Variants in LIPC observed in about 807,000 individuals in gnomAD.
The protein encoded by LIPC is lipase C, hepatic type.
LIPC carries 44 observed loss-of-function variants against 50.7 expected under a neutral mutation model. The ratio of observed to expected loss-of-function variants is 0.87; its 90% CI spans 0.68 to 1.11. The LOEUF is 1.11. Among genes scored for constraint, LIPC ranks in the 50% most tolerant of loss-of-function variants. The pLI is 0.00. For missense variants in LIPC, 697 were observed against 648.2 expected (o/e 1.08, Z -0.82); for synonymous variants, 271 against 256.4 (o/e 1.06, Z -0.54).
intron 1 of LIPC, chr15:58,454,483 G>A (rs2140684886): frequency 6.6e-6 from 1 of 152,342 alleles, no homozygotes; most frequent in East Asian, 1.9e-4. Flanking sequence ...TTGAGCTTGA[G>A]CTCCATGGAG....
At chr15:58,542,069 A>G (rs1374518447) in intron 3 of LIPC, 102 bp downstream of exon 3, 3 of 1,293,948 alleles carry the variant, frequency 2.3e-6, no homozygotes, top group Admixed American at 2.0e-5. Context: ...CAGGCAGGAG[A>G]AGCACTAATG....
chr15:58,466,296 G>A (rs1894561537), intron 1 of LIPC, among the ~76,000 whole-genome samples: 1 of 152,214 alleles, frequency 6.6e-6, no homozygotes, highest in Non-Finnish European at 1.5e-5. Context: ...GTGATTAGAA[G>A]TAAAAAGGTT....
At chr15:58,536,777 T>C (rs937059230) in intron 1 of LIPC, among the ~76,000 whole-genome samples, 1 of 152,226 alleles carries the variant, frequency 6.6e-6, no homozygotes, top group Admixed American at 6.5e-5. Flanking sequence ...TTTAATAAAA[T>C]ATGATGCATT....
intron 1 of LIPC, among the ~76,000 whole-genome samples, chr15:58,477,626 C>A (rs531583158): frequency 1.3e-5 from 2 of 152,298 alleles, no homozygotes; most frequent in South Asian, 4.1e-4. Flanking sequence ...GACAGCTCTC[C>A]GGTTTTCAGC....
At chr15:58,485,343 G>A (rs1396311969) in intron 1 of LIPC, among the ~76,000 whole-genome samples, 1 of 152,180 alleles carries the variant, frequency 6.6e-6, no homozygotes, top group Non-Finnish European at 1.5e-5. Context: ...TGAGGAGAGG[G>A]AGGAGTCAAT....
At chr15:58,471,134 C>CTTTTT (rs34225435) in intron 1 of LIPC, among the ~76,000 whole-genome samples, 7 of 114,648 alleles carry the variant, frequency 6.1e-5, no homozygotes, top group South Asian at 2.9e-4. Context: ...TTTCTTTTCT[C>CTTTTT]TTTTTTTTTT....
chr15:58,567,345 GTATATATATATA>G (rs112052257), intron 8 of LIPC, among the ~76,000 whole-genome samples: 2 of 18,826 alleles, frequency 1.1e-4, no homozygotes, highest in South Asian at 2.3e-3. Flanking sequence ...ATATGTATAT[GTATATATATATA>G]TGTATATGTA....
chr15:58,514,470 AT>A (rs1420753495), intron 1 of LIPC, among the ~76,000 whole-genome samples: 1 of 152,210 alleles, frequency 6.6e-6, no homozygotes, highest in East Asian at 1.9e-4. Context: ...TTTTAATGCT[AT>A]TTGATTGAAA....
At chr15:58,527,451 T>C (rs1435567028) in intron 1 of LIPC, among the ~76,000 whole-genome samples, 1 of 151,948 alleles carries the variant, frequency 6.6e-6, no homozygotes. Flanking sequence ...TAAGCTCACC[T>C]TCCCCCTACA....
At chr15:58,567,328 T>C (rs867622608) in intron 8 of LIPC, among the ~76,000 whole-genome samples, 6,617 of 32,758 alleles carry the variant, frequency 0.2, 351 homozygotes, top group African/African-American at 0.36. Flanking sequence ...TATGTGTATA[T>C]ATATATATAT....
intron 1 of LIPC, among the ~76,000 whole-genome samples, chr15:58,471,341 T>G (rs1340624350): frequency 1.4e-4 from 18 of 128,096 alleles, no homozygotes; most frequent in African/African-American, 2.6e-4. Context: ...GGGGGGGTGG[T>G]CTCACCATGT....
intron 6 of LIPC, among the ~76,000 whole-genome samples, chr15:58,548,879 C>G (rs1893643435): frequency 6.6e-6 from 1 of 152,214 alleles, no homozygotes; most frequent in Non-Finnish European, 1.5e-5. Context: ...ACGCAGTTTA[C>G]CTGGGCCACC....
At chr15:58,436,836 C>T (rs1167604926) in intron 1 of LIPC, 2 of 456,246 alleles carry the variant, frequency 4.4e-6, no homozygotes, top group South Asian at 3.1e-5. Context: ...TGAGGCTTTC[C>T]TTGTACAATA....
At chr15:58,537,356 G>A (rs1893160474) in intron 1 of LIPC, among the ~76,000 whole-genome samples, 1 of 152,280 alleles carries the variant, frequency 6.6e-6, no homozygotes, top group South Asian at 2.1e-4. Flanking sequence ...TCCCCCAGAA[G>A]AGAGGCTGGA....
chr15:58,472,285 A>G (rs1271771584), intron 1 of LIPC, among the ~76,000 whole-genome samples: 1 of 144,392 alleles, frequency 6.9e-6, no homozygotes, highest in Admixed American at 6.9e-5. Context: ...AAAAAAAAAA[A>G]AAAAAAAAGA....
intron 1 of LIPC, among the ~76,000 whole-genome samples, chr15:58,515,793 A>G (rs559213637): frequency 3.3e-5 from 5 of 152,254 alleles, no homozygotes; most frequent in Admixed American, 2.0e-4. Context: ...TGTAGGGGTC[A>G]AGGGTGCCTA....
chr15:58,539,861 C>T (rs1334835186), intron 2 of LIPC, among the ~76,000 whole-genome samples: 1 of 152,180 alleles, frequency 6.6e-6, no homozygotes, highest in Non-Finnish European at 1.5e-5. Flanking sequence ...TTAACTCCCA[C>T]TTTTCCTGTA....
chr15:58,524,007 G>A (rs150260607), intron 1 of LIPC, among the ~76,000 whole-genome samples: 52 of 152,292 alleles, frequency 3.4e-4, no homozygotes, highest in African/African-American at 1.3e-3. Context: ...TTAAAAGAAT[G>A]TAAAATAGAA....
chr15:58,535,579 A>G (rs1453458931), intron 1 of LIPC, among the ~76,000 whole-genome samples: 1 of 152,222 alleles, frequency 6.6e-6, no homozygotes. Context: ...AATATACACA[A>G]GACAGAATTG....
Sources: gnomAD v4.1 joint callset for allele counts (sites outside exome capture counted in the v4.1 genomes callset) on GRCh38, gnomAD v4.1.1 for gene constraint, MANE v1.5 for transcripts, NCBI Gene and HGNC (gene_info 2026-07-23, HGNC 2026-07-21) for gene names.